KLF8: variants seen among roughly 807,000 people sequenced by gnomAD.
KLF8 encodes the protein KLF transcription factor 8.
Under a neutral mutation model 18.2 loss-of-function variants are expected in KLF8, and 10 were observed. The observed-to-expected ratio is 0.55, with a 90% CI of 0.34 to 0.93. The LOEUF is 0.93. Among genes scored for constraint, KLF8 ranks in the 40% least tolerant of loss-of-function variants. The pLI is 0.02. For missense variants in KLF8, 264 were observed against 277.9 expected, an observed-to-expected ratio of 0.95 and a Z score of 0.36; for synonymous variants, 109 against 97.3, an observed-to-expected ratio of 1.12 and a Z score of -0.71.
At chrX:56,169,698 G>GT in the KLF8 span, among the ~76,000 whole-genome samples, 1 of 111,101 alleles carries the variant, frequency 9.0e-6, no homozygotes, top group East Asian at 2.9e-4. Context: ...GGACTTCTAA[G>GT]TTTTTTTGAC....
the KLF8 span, among the ~76,000 whole-genome samples, chrX:56,056,486 C>T: frequency 3.7e-5 from 4 of 107,725 alleles, no homozygotes; most frequent in Non-Finnish European, 7.7e-5. Context: ...ATGATGAGTT[C>T]ATGTCCTTTG....
chrX:55,977,450 T>C, the KLF8 span, among the ~76,000 whole-genome samples: 1 of 111,260 alleles, frequency 9.0e-6, no homozygotes, highest in Non-Finnish European at 1.9e-5. Context: ...TTTTTAAATG[T>C]AGGTAGAGTT....
At chrX:56,050,795 A>G in the KLF8 span, among the ~76,000 whole-genome samples, 7 of 110,850 alleles carry the variant, frequency 6.3e-5, no homozygotes, top group African/African-American at 1.3e-4. Flanking sequence ...CGCTTGGTGC[A>G]GAGCTGAGTT....
At chrX:56,179,567 A>C in the KLF8 span, among the ~76,000 whole-genome samples, 53 of 111,922 alleles carry the variant, frequency 4.7e-4, 1 homozygote, top group East Asian at 9.5e-3. Flanking sequence ...CTGTCTTGTG[A>C]CAGTTTTCAA....
At chrX:56,170,354 G>A in the KLF8 span, among the ~76,000 whole-genome samples, 2 of 110,823 alleles carry the variant, frequency 1.8e-5, no homozygotes, top group African/African-American at 6.6e-5. Flanking sequence ...AGGAACCAGG[G>A]ACCAATGCTG....
At chrX:56,009,962 A>G in the KLF8 span, among the ~76,000 whole-genome samples, 1 of 112,248 alleles carries the variant, frequency 8.9e-6, no homozygotes, top group Non-Finnish European at 1.9e-5. Flanking sequence ...TGAATTATGT[A>G]AAAAAACCAA....
chrX:56,210,597 TTC>T, the KLF8 span, among the ~76,000 whole-genome samples: 1 of 111,328 alleles, frequency 9.0e-6, no homozygotes, highest in Non-Finnish European at 1.9e-5. Flanking sequence ...GTTTAGGAAG[TTC>T]TCTGTTATCC....
At chrX:56,103,664 C>A in the KLF8 span, among the ~76,000 whole-genome samples, 1 of 111,520 alleles carries the variant, frequency 9.0e-6, no homozygotes, top group African/African-American at 3.3e-5. Flanking sequence ...CAAACAGGGA[C>A]AATTTGACTT....
At chrX:55,946,861 A>G in the KLF8 span, among the ~76,000 whole-genome samples, 3,366 of 111,859 alleles carry the variant, frequency 0.03, 53 homozygotes, top group Non-Finnish European at 0.046. Context: ...GAAGACATTT[A>G]TGCAGCCAAA....
chrX:56,248,933 C>T (rs1210499340), intron 1 of KLF8, among the ~76,000 whole-genome samples: 1 of 111,570 alleles, frequency 9.0e-6, no homozygotes, highest in East Asian at 2.8e-4. Flanking sequence ...CTGTCACTGT[C>T]ATCAAAAACC....
the KLF8 span, among the ~76,000 whole-genome samples, chrX:56,126,752 C>CT: frequency 0.021 from 1,500 of 72,527 alleles, 25 homozygotes; most frequent in Middle Eastern, 0.046. Flanking sequence ...TTCTTTCTTT[C>CT]TTTTTTTTTT....
chrX:56,222,542 C>A, the KLF8 span, among the ~76,000 whole-genome samples: 1 of 112,848 alleles, frequency 8.9e-6, no homozygotes, highest in Admixed American at 9.3e-5. Context: ...GCTGGCTTCA[C>A]CCAGTGGATC....
At chrX:56,154,135 G>C in the KLF8 span, among the ~76,000 whole-genome samples, 22 of 111,169 alleles carry the variant, frequency 2.0e-4, no homozygotes, top group African/African-American at 7.2e-4. Flanking sequence ...TCAATCCTAA[G>C]CCAAAAGAAA....
At chrX:56,165,675 G>A in the KLF8 span, among the ~76,000 whole-genome samples, 11 of 111,175 alleles carry the variant, frequency 9.9e-5, no homozygotes, top group Non-Finnish European at 2.1e-4. Context: ...GACTAGCCTG[G>A]ACAACATAGT....
Position 56,285,119 on chromosome X carries a change from G to A in KLF8, c.*625G>A, listed in dbSNP as rs997571874. 8.9e-6 allele frequency: 1 copy of A among 111,733 alleles called. No homozygotes were observed. Among genetic ancestry groups the A allele is most frequent in the Non-Finnish European group, 1.9e-5 (1 of 53,192 alleles). 9.2% of individuals were successfully genotyped at this position (111,733 alleles called of 1,213,427 possible). On this transcript the variant is annotated 3_prime_UTR_variant, in exon 6 of 6. Transcript: ENST00000468660. ...TAAAGTTTGGTTTTCAGACAGTGCT[G>A]GTGCTTCTGCTTCTTAAGTTCATCA...
the KLF8 span, among the ~76,000 whole-genome samples, chrX:56,022,289 G>A: frequency 9.0e-6 from 1 of 110,731 alleles, no homozygotes; most frequent in Non-Finnish European, 1.9e-5. Flanking sequence ...GCTCATGCCT[G>A]TAATCCCAGC....
At chrX:56,152,147 C>T in the KLF8 span, among the ~76,000 whole-genome samples, 1 of 111,782 alleles carries the variant, frequency 8.9e-6, no homozygotes, top group African/African-American at 3.2e-5. Flanking sequence ...AATATATCCT[C>T]TTTATTTTTA....
chrX:56,184,651 C>G, the KLF8 span, among the ~76,000 whole-genome samples: 2 of 111,666 alleles, frequency 1.8e-5, no homozygotes, highest in African/African-American at 6.5e-5. Context: ...ACACCTCACA[C>G]GGCCGGGTAC....
chrX:56,260,756 G>C (rs958333941), intron 2 of KLF8, among the ~76,000 whole-genome samples: 19 of 112,203 alleles, frequency 1.7e-4, no homozygotes, highest in African/African-American at 5.8e-4. Flanking sequence ...ATACATGTGT[G>C]CATATGTATC....
Sources: gnomAD v4.1 joint callset for allele counts (sites outside exome capture counted in the v4.1 genomes callset) on GRCh38, gnomAD v4.1.1 for gene constraint, MANE v1.5 for transcripts, NCBI Gene and HGNC (gene_info 2026-07-23, HGNC 2026-07-21) for gene names.